The following ZNF609 variants were observed in gnomAD, a reference collection of about 807,000 sequenced individuals.
ZNF609 encodes zinc finger protein 609.
A neutral mutation model predicts 109.5 loss-of-function variants in ZNF609; 11 were observed. That is an observed-to-expected ratio of 0.10 (90% confidence interval 0.06 to 0.17). The LOEUF (loss-of-function observed/expected upper bound fraction) is 0.17, where lower values mean the gene tolerates loss of function less well. Ranked by LOEUF, ZNF609 falls within the 10% of genes least tolerant of loss-of-function variation. The pLI is 1.00. For synonymous variants in ZNF609, 646 were observed against 662.0 expected, an observed-to-expected ratio of 0.98 and a Z score of 0.37; for missense variants, 1,559 against 1,772.4, an observed-to-expected ratio of 0.88 and a Z score of 2.16.
At chr15:64,482,375 C>A (rs1398350771) in intron 1 of ZNF609, among the ~76,000 whole-genome samples, 1 of 151,502 alleles carries the variant, frequency 6.6e-6, no homozygotes, top group Non-Finnish European at 1.5e-5. Context: ...ATTTCCTATA[C>A]GTTTTTTTTT....
In ZNF609 at chr15:64,674,668, C is replaced by T; in HGVS notation, c.1814C>T (p.Ser605Phe). ...GEGDTDLGAL[S>F]NDGSDDGPSV... The stretch of plus-strand genomic sequence containing the variant: ...GGGGACACAGACCTTGGGGCCTTAT[C>T]CAATGATGGCTCTGATGATGGACCC... Residue 605 changes from serine (S) to phenylalanine (F), a missense_variant, in exon 5 of 10, where the codon TCC becomes TTC. Ser to Phe is a radical substitution (Grantham distance 155, BLOSUM62 -2). Around this residue, in one of 4 missense-constraint regions of ZNF609, gnomAD observed 1,204 missense variants for 1,314.1 expected, o/e 0.92. Coordinates refer to ENST00000326648, the MANE Select transcript of ZNF609 (RefSeq NM_015042.2). 1 of 1,614,094 alleles carries T rather than the reference C, an allele frequency of 6.2e-7. No individual in the cohort carries two copies. Among genetic ancestry groups the T allele is most frequent in the Non-Finnish European group, 8.5e-7 (1 of 1,180,030 alleles).
At chr15:64,550,657 G>A (rs1346700171) in intron 2 of ZNF609, among the ~76,000 whole-genome samples, 1 of 151,888 alleles carries the variant, frequency 6.6e-6, no homozygotes, top group African/African-American at 2.4e-5. Flanking sequence ...CCAACATGAC[G>A]AAACCCTGTC....
rs1163842122 is a variant in ZNF609 at position 64,674,277 on chromosome 15, C to T, written c.1423C>T (p.Leu475Phe). 1 of 1,614,050 alleles carries T rather than the reference C, an allele frequency of 6.2e-7. No individual in the cohort carries two copies. Among genetic ancestry groups the T allele is most frequent in the Non-Finnish European group, 8.5e-7 (1 of 1,180,020 alleles). ...TNSMGSATGP[L>F]PGTKVEPTVL... ...TTCCATGGGCTCAGCCACTGGCCCC[C>T]TTCCTGGGACAAAGGTAGAACCCAC... Residue 475 changes from leucine to phenylalanine, a missense_variant, in exon 5 of 10, where the codon CTT becomes TTT. Physicochemically the swap from Leu to Phe is conservative, Grantham distance 22 (BLOSUM62 0). This residue lies in a region of ZNF609 where 1,204 missense variants were observed against 1,314.1 expected (regional missense o/e 0.92). Transcript: ENST00000326648.
chr15:64,625,936 T>TAGAGAG (rs36226491), intron 3 of ZNF609, among the ~76,000 whole-genome samples: 42 of 79,578 alleles, frequency 5.3e-4, no homozygotes, highest in African/African-American at 2.4e-3. Context: ...TATATATATA[T>TAGAGAG]AGAGAGAGAG....
At chr15:64,574,001 C>T (rs1894905440) in intron 2 of ZNF609, among the ~76,000 whole-genome samples, 1 of 152,056 alleles carries the variant, frequency 6.6e-6, no homozygotes, top group East Asian at 1.9e-4. Context: ...GAGACCATCA[C>T]ATTTTTCATC....
intron 1 of ZNF609, among the ~76,000 whole-genome samples, chr15:64,498,170 C>G (rs1893510518): frequency 6.6e-6 from 1 of 151,990 alleles, no homozygotes; most frequent in Admixed American, 6.6e-5. Flanking sequence ...CTGCCTCAGC[C>G]TCCCGAGTAG....
At chr15:64,583,541 A>AT (rs1895147033) in intron 2 of ZNF609, among the ~76,000 whole-genome samples, 1 of 151,716 alleles carries the variant, frequency 6.6e-6, no homozygotes, top group South Asian at 2.1e-4. Flanking sequence ...TAGGCAAGTC[A>AT]TTTTTCCCTT....
At chr15:64,663,261 A>G (rs1896604475) in intron 3 of ZNF609, among the ~76,000 whole-genome samples, 1 of 152,210 alleles carries the variant, frequency 6.6e-6, no homozygotes, top group African/African-American at 2.4e-5. Context: ...TTGAAGGTTG[A>G]GCCAAAAAGA....
chr15:64,498,042 C>G (rs980305751), intron 1 of ZNF609, among the ~76,000 whole-genome samples: 1 of 152,060 alleles, frequency 6.6e-6, no homozygotes. Context: ...GCACACTCCT[C>G]AAGTCTTGTT....
At chr15:64,550,662 C>A (rs1894452099) in intron 2 of ZNF609, among the ~76,000 whole-genome samples, 1 of 151,898 alleles carries the variant, frequency 6.6e-6, no homozygotes, top group African/African-American at 2.4e-5. Context: ...ATGACGAAAC[C>A]CTGTCTCTAC....
chr15:64,654,049 A>G (rs994011570), intron 3 of ZNF609: 2 of 152,134 alleles, frequency 1.3e-5, no homozygotes, highest in Non-Finnish European at 2.9e-5. Flanking sequence ...TTATTTATCT[A>G]TTTATTTAGA....
intron 2 of ZNF609, among the ~76,000 whole-genome samples, chr15:64,539,744 C>A (rs1894217554): frequency 6.6e-6 from 1 of 151,566 alleles, no homozygotes; most frequent in Admixed American, 6.6e-5. Flanking sequence ...CCATGTGCCT[C>A]AGTCTCCCAA....
chr15:64,636,544 T>C (rs754443441), intron 3 of ZNF609, among the ~76,000 whole-genome samples: 2 of 152,254 alleles, frequency 1.3e-5, no homozygotes, highest in Non-Finnish European at 2.9e-5. Flanking sequence ...TATCCCTACC[T>C]TTTGAAAATT....
intron 3 of ZNF609, among the ~76,000 whole-genome samples, chr15:64,636,277 A>G (rs539218754): frequency 1.3e-5 from 2 of 152,132 alleles, no homozygotes; most frequent in Non-Finnish European, 2.9e-5. Flanking sequence ...CTCCTGCCAG[A>G]TCCTTTATTT....
intron 2 of ZNF609, among the ~76,000 whole-genome samples, chr15:64,519,702 CT>C (rs941489639): frequency 3.9e-5 from 6 of 152,130 alleles, no homozygotes; most frequent in African/African-American, 1.4e-4. Context: ...TCACTCTCAA[CT>C]TTTTTAGTTT....
chr15:64,617,263 C>G (rs1895814432), intron 2 of ZNF609, among the ~76,000 whole-genome samples: 1 of 151,650 alleles, frequency 6.6e-6, no homozygotes, highest in African/African-American at 2.4e-5. Context: ...CTCAAACAGT[C>G]CTCCCATTTC....
chr15:64,574,034 C>T (rs537303518), intron 2 of ZNF609, among the ~76,000 whole-genome samples: 11 of 152,174 alleles, frequency 7.2e-5, no homozygotes, highest in South Asian at 2.1e-4. Context: ...CACCACACCC[C>T]GCTCTTGCCC....
At chr15:64,602,479 G>A (rs183468592) in intron 2 of ZNF609, among the ~76,000 whole-genome samples, 148 of 152,250 alleles carry the variant, frequency 9.7e-4, no homozygotes, top group Admixed American at 2.1e-3. Context: ...TTTGAAAAGT[G>A]CTGGGACACA....
intron 3 of ZNF609, among the ~76,000 whole-genome samples, chr15:64,658,866 T>G (rs1896529980): frequency 6.6e-6 from 1 of 152,104 alleles, no homozygotes; most frequent in South Asian, 2.1e-4. Flanking sequence ...ATCTACCATT[T>G]AGGAATTAAA....
Sources: gnomAD v4.1 joint callset for allele counts (sites outside exome capture counted in the v4.1 genomes callset) on GRCh38, gnomAD v4.1.1 for gene constraint, gnomAD v4.1.1 regional missense constraint, MANE v1.5 for transcripts, NCBI Gene and HGNC (gene_info 2026-07-23, HGNC 2026-07-21) for gene names.